ADGRV1: variants seen among roughly 807,000 people sequenced by gnomAD.
ADGRV1 encodes the protein G-protein coupled receptor 98.
A neutral mutation model predicts 596.2 loss-of-function variants in ADGRV1; 359 were observed. The observed-to-expected ratio is 0.60, with a 90% CI of 0.55 to 0.66. The LOEUF (loss-of-function observed/expected upper bound fraction) is 0.66, where lower values mean the gene tolerates loss of function less well. Ranked by LOEUF, ADGRV1 falls within the 30% of genes least tolerant of loss-of-function variation. The pLI is 0.00. For missense variants in ADGRV1, 7,274 were observed against 7,575.6 expected (o/e 0.96, Z 1.48); for synonymous variants, 2,681 against 2,679.2 (o/e 1.00, Z -0.02).
At chr5:90,749,371 A>G (rs1279012769) in intron 52 of ADGRV1, among the ~76,000 whole-genome samples, 1 of 152,186 alleles carries the variant, frequency 6.6e-6, no homozygotes, top group East Asian at 1.9e-4. Flanking sequence ...GGAGCCAGAG[A>G]GAGCTGGCTT....
chr5:90,969,287 T>C (rs1298766429), intron 84 of ADGRV1, among the ~76,000 whole-genome samples: 3 of 152,246 alleles, frequency 2.0e-5, no homozygotes, highest in Non-Finnish European at 2.9e-5. Flanking sequence ...TTTGTTAAGA[T>C]AATATGTTGT....
At chr5:90,853,984 A>T in intron 80 of ADGRV1, 78 bp from the exon 81 acceptor site, 1 of 1,021,450 alleles carries the variant, frequency 9.8e-7, no homozygotes, top group Non-Finnish European at 1.5e-6. Flanking sequence ...AGAAAAATGA[A>T]GTCAAGTTCA....
chr5:91,082,886 C>A (rs1039771558), intron 86 of ADGRV1, among the ~76,000 whole-genome samples: 2 of 152,004 alleles, frequency 1.3e-5, no homozygotes, highest in African/African-American at 4.8e-5. Flanking sequence ...TTAAAGTTAC[C>A]TCTAATTTAT....
chr5:90,758,489 C>T (rs1489331839), intron 57 of ADGRV1, among the ~76,000 whole-genome samples: 1 of 152,202 alleles, frequency 6.6e-6, no homozygotes, highest in Non-Finnish European at 1.5e-5. Context: ...CCATCATTAA[C>T]CAGCATCCAT....
At chr5:90,770,305 A>AC (rs1316893227) in intron 59 of ADGRV1, among the ~76,000 whole-genome samples, 3 of 151,838 alleles carry the variant, frequency 2.0e-5, no homozygotes, top group African/African-American at 7.3e-5. Flanking sequence ...GAAAAAACCC[A>AC]CCCCCATGAT....
At chr5:90,773,647 A>G (rs1757925083) in intron 59 of ADGRV1, among the ~76,000 whole-genome samples, 1 of 152,214 alleles carries the variant, frequency 6.6e-6, no homozygotes, top group South Asian at 2.1e-4. Flanking sequence ...CAGAAAAACT[A>G]CATTTTCTTG....
At position 90,627,338 on chromosome 5, in the gene ADGRV1, A is replaced by G. The variant is rs1764897902; in HGVS notation, c.800A>G (p.Gln267Arg). 1 of 1,613,808 alleles carries G rather than the reference A, an allele frequency of 6.2e-7. No individual in the cohort carries two copies. Among genetic ancestry groups the G allele is most frequent in the African/African-American group, 1.3e-5 (1 of 74,936 alleles). ...KKNDSPVRFL[Q>R]SIYLVPEEDH... ...AATGATAGTCCCGTGAGATTCCTTC[A>G]GAGTATTTATTTGGTTCCTGAGGAA... The change falls in exon 7 of 90, where the codon CAG (glutamine) becomes CGG (arginine). Residue 267 changes from glutamine to arginine, a missense_variant. By Grantham distance (43) the Gln-to-Arg change is conservative. Coordinates refer to ENST00000405460, the MANE Select transcript of ADGRV1 (RefSeq NM_032119.4).
chr5:90,808,811 G>A (rs1161926113), intron 73 of ADGRV1, among the ~76,000 whole-genome samples: 2 of 152,072 alleles, frequency 1.3e-5, no homozygotes, highest in South Asian at 2.1e-4. Flanking sequence ...CAGGAGAATC[G>A]CTTGAGCCCA....
At position 90,685,823 on chromosome 5, in the gene ADGRV1, G is replaced by A. The variant is rs190981860; in HGVS notation, c.6318G>A (p.Ala2106=). 4,674 of 1,611,132 alleles carry A rather than the reference G, an allele frequency of 2.9e-3. 27 individuals carry two copies. The highest frequency in any genetic ancestry group is 0.018 in the South Asian group (1,665 of 90,798). ...TTGGGCCTAAGGTAGAAACTATTGC[G>A]CAACTAATTATCATTGCCAATGATG... ...PRLGPKVETI[A]QLIIIANDDA... The change falls in exon 29 of 90, where the codon GCG becomes GCA. Residue 2106 remains alanine (A), a synonymous_variant. Transcript: ENST00000405460.
In ADGRV1 at chr5:90,879,500, A is replaced by G. The variant is rs180911889; in HGVS notation, c.17856+15643A>G. Among the ~76,000 whole-genome samples the G allele has an allele frequency of 2.6e-5, 4 of 152,304 alleles. No individual in the cohort carries two copies. The East Asian group carries it at 5.8e-4, about 22-fold the overall frequency. Reference sequence around the variant, plus strand: ...TAAAATTTGTGATATAATTTTGATTATGGGAATCATAGATTCCTGTTATCA... The same window carrying G: ...TAAAATTTGTGATATAATTTTGATTGTGGGAATCATAGATTCCTGTTATCA... On this transcript the variant is annotated intron_variant, in intron 83 of 89. Coordinates refer to ENST00000405460, the MANE Select transcript of ADGRV1 (RefSeq NM_032119.4).
rs536048475 is a variant in ADGRV1, at chr5:90,582,056, T to A, written c.22+23139T>A. On this transcript the variant is annotated intron_variant, in intron 1 of 89. Coordinates refer to ENST00000405460, the MANE Select transcript of ADGRV1 (RefSeq NM_032119.4). ...CTGTGGTCCAAGAGTGTACTTGGTA[T>A]ATGATTTCAGTTGTTTTTTATTTAT... Among the ~76,000 whole-genome samples the A allele has an allele frequency of 1.2e-4, 19 of 152,200 alleles. No individual in the cohort carries two copies. The South Asian group carries it at 3.9e-3, about 32-fold the overall frequency.
At chr5:90,580,579 C>G (rs1244037157) in intron 1 of ADGRV1, among the ~76,000 whole-genome samples, 1 of 152,056 alleles carries the variant, frequency 6.6e-6, no homozygotes, top group African/African-American at 2.4e-5. Context: ...GTTGAAAATT[C>G]ATTTCTTTAA....
intron 89 of ADGRV1, among the ~76,000 whole-genome samples, chr5:91,158,738 C>T (rs938351520): frequency 6.6e-6 from 1 of 152,132 alleles, no homozygotes; most frequent in African/African-American, 2.4e-5. Context: ...TGGCCTAGTC[C>T]TGGGCCAGAG....
In ADGRV1 at chr5:90,840,984, A is replaced by C; in HGVS notation, c.17018A>C (p.Lys5673Thr). The C allele has an allele frequency of 6.5e-6, 9 of 1,391,324 alleles. No individual in the cohort carries two copies. The highest frequency in any genetic ancestry group is 8.4e-6 in the Non-Finnish European group (9 of 1,066,250). The allele number at this position is 1,391,324 out of a possible 1,614,324, so 86.2% of individuals were successfully genotyped here. A position where few individuals can be genotyped will look rare whatever the true frequency, so the allele number is the denominator to read the frequency against. Residue 5673 changes from lysine to threonine, a missense_variant and splice_region_variant, in exon 78 of 90, where the codon AAG (lysine) becomes ACG (threonine). Lys to Thr is a moderately conservative substitution (Grantham distance 78). Around this residue, in one of 5 missense-constraint regions of ADGRV1, gnomAD observed 1,874 missense variants for 1,970.2 expected, o/e 0.95. Coordinates refer to ENST00000405460, the MANE Select transcript of ADGRV1 (RefSeq NM_032119.4). The part of the protein sequence containing the change: ...QLSAMMHLIE[K>T]ITTEGKIQAF... ...AGTGCCATGATGCATTTAATAGAAA[A>C]GGTAAGTTTTTGTGAATATTAGTAA... is the stretch of plus-strand genomic sequence containing the variant.
At chr5:90,588,677 T>G (rs1759090152) in intron 1 of ADGRV1, among the ~76,000 whole-genome samples, 1 of 152,216 alleles carries the variant, frequency 6.6e-6, no homozygotes, top group South Asian at 2.1e-4. Flanking sequence ...AAAACGTGAC[T>G]CAAGAAGGAA....
At chr5:90,819,461 T>G (rs1323543158) in intron 75 of ADGRV1, among the ~76,000 whole-genome samples, 1 of 150,540 alleles carries the variant, frequency 6.6e-6, no homozygotes, top group African/African-American at 2.5e-5. Context: ...CTGCTCGCTT[T>G]TGAATGTGTT....
intron 28 of ADGRV1, among the ~76,000 whole-genome samples, chr5:90,684,898 T>G (rs1052487229): frequency 3.3e-5 from 5 of 152,174 alleles, no homozygotes; most frequent in Admixed American, 3.3e-4. Flanking sequence ...GCGAAGCGGT[T>G]AAAGAGGCAG....
intron 21 of ADGRV1, among the ~76,000 whole-genome samples, 159 bp from the exon 22 acceptor site, chr5:90,672,387 A>T (rs934283039): frequency 1.3e-5 from 2 of 152,202 alleles, no homozygotes; most frequent in African/African-American, 4.8e-5. Flanking sequence ...TTAGCAGTCA[A>T]AGTTTATCTG....
rs186201989 is a variant in ADGRV1 at position 90,991,152 on chromosome 5, C to T, written c.18152+5630C>T. Among the ~76,000 whole-genome samples the T allele has an allele frequency of 5.5e-3, 841 of 152,204 alleles. 8 individuals are homozygous for T. Among genetic ancestry groups the T allele is most frequent in the Non-Finnish European group, 9.6e-3 (654 of 68,004 alleles). The stretch of plus-strand genomic sequence containing the variant: ...GACAATGAAGACATTACTTTGATCT[C>T]AATATTCTAACTTCTAAGCAACCCC... On this transcript the variant is annotated intron_variant, in intron 85 of 89. Coordinates refer to ENST00000405460, the MANE Select transcript of ADGRV1 (RefSeq NM_032119.4).
Sources: gnomAD v4.1 joint callset for allele counts (sites outside exome capture counted in the v4.1 genomes callset) on GRCh38, gnomAD v4.1.1 for gene constraint, gnomAD v4.1.1 regional missense constraint, MANE v1.5 for transcripts, NCBI Gene and HGNC (gene_info 2026-07-23, HGNC 2026-07-21) for gene names.